MEI4: variants seen among roughly 807,000 people sequenced by gnomAD.
MEI4 encodes the protein meiosis-specific protein MEI4.
A neutral mutation model predicts 31.4 loss-of-function variants in MEI4; 27 were observed. That is an observed-to-expected ratio of 0.86 (90% CI 0.63 to 1.19). The LOEUF is 1.19. Ranked by LOEUF, MEI4 falls within the 50% of genes most tolerant of loss-of-function variation. MEI4 has a pLI of 0.00. For synonymous variants in MEI4, 122 were observed against 145.4 expected, an observed-to-expected ratio of 0.84 and a Z score of 1.16; for missense variants, 329 against 398.9, an observed-to-expected ratio of 0.82 and a Z score of 1.49.
At chr6:77,856,315 C>T (rs775177213) in intron 4 of MEI4, among the ~76,000 whole-genome samples, 4 of 152,082 alleles carry the variant, frequency 2.6e-5, no homozygotes, top group Non-Finnish European at 5.9e-5. Flanking sequence ...CTGAACCTAC[C>T]CTTCCTTCTC....
At position 77,680,115 on chromosome 6, in the gene MEI4, C is replaced by CAAAAAAAAAAA. The variant is rs1220251759; in HGVS notation, c.-14-10539_-14-10529dup. On this transcript the variant is annotated intron_variant, in intron 1 of 4. Transcript: ENST00000684080. ...TGAAACCCCGTCCCTACTAAAAATA[C>CAAAAAAAAAAA]AAAAAAAAAAAAAATTAGCTGGGCG... Among the ~76,000 whole-genome samples, 10 of 39,762 alleles carry CAAAAAAAAAAA rather than the reference C, an allele frequency of 2.5e-4. 3 individuals carry two copies. The highest frequency in any genetic ancestry group is 2.9e-3 in the East Asian group (2 of 680). 26.1% of individuals were successfully genotyped at this position (39,762 alleles called of 152,430 possible).
chr6:77,911,088 T>C (rs762929781), intron 4 of MEI4, among the ~76,000 whole-genome samples: 1 of 152,110 alleles, frequency 6.6e-6, no homozygotes, highest in Non-Finnish European at 1.5e-5. Context: ...TTGGTTCATG[T>C]CCTTTGCCCA....
At chr6:77,898,334 T>C (rs918924745) in intron 4 of MEI4, among the ~76,000 whole-genome samples, 3 of 152,044 alleles carry the variant, frequency 2.0e-5, no homozygotes, top group African/African-American at 4.8e-5. Flanking sequence ...TGAATTATCA[T>C]GGTGACAACT....
At chr6:77,743,108 T>C (rs1262636048) in intron 2 of MEI4, among the ~76,000 whole-genome samples, 4 of 152,186 alleles carry the variant, frequency 2.6e-5, no homozygotes, top group African/African-American at 9.7e-5. Flanking sequence ...ATGCGGGCTC[T>C]TTTTTGGTTC....
intron 2 of MEI4, among the ~76,000 whole-genome samples, chr6:77,696,138 T>C (rs1200973281): frequency 6.6e-6 from 1 of 152,240 alleles, no homozygotes; most frequent in African/African-American, 2.4e-5. Flanking sequence ...TTGCTGAAGT[T>C]GCTTATCAGC....
At chr6:77,895,806 T>G (rs2127733610) in intron 4 of MEI4, among the ~76,000 whole-genome samples, 1 of 152,232 alleles carries the variant, frequency 6.6e-6, no homozygotes, top group Admixed American at 6.5e-5. Context: ...GACAGACACG[T>G]AAAGTTTTAA....
At chr6:77,736,563 C>A (rs1303311821) in intron 2 of MEI4, among the ~76,000 whole-genome samples, 2 of 152,074 alleles carry the variant, frequency 1.3e-5, no homozygotes, top group Non-Finnish European at 2.9e-5. Flanking sequence ...GAACCCTGTA[C>A]CTCAGATGGA....
chr6:77,719,160 G>A (rs1766656425), intron 2 of MEI4, among the ~76,000 whole-genome samples: 1 of 142,688 alleles, frequency 7.0e-6, no homozygotes, highest in South Asian at 2.2e-4. Context: ...TGACCTTGAG[G>A]TGTCCAATCT....
chr6:77,730,006 G>A (rs1380494125), intron 2 of MEI4, among the ~76,000 whole-genome samples: 1 of 152,002 alleles, frequency 6.6e-6, no homozygotes, highest in Non-Finnish European at 1.5e-5. Context: ...TTGGAACTCT[G>A]TGGCCAAGAG....
chr6:77,730,981 T>G (rs932288727), intron 2 of MEI4, among the ~76,000 whole-genome samples: 2 of 151,810 alleles, frequency 1.3e-5, no homozygotes, highest in African/African-American at 4.9e-5. Flanking sequence ...GGCTGCATAG[T>G]ATTCCATGGT....
intron 4 of MEI4, among the ~76,000 whole-genome samples, chr6:77,899,816 A>G (rs1429747923): frequency 1.3e-5 from 2 of 152,004 alleles, no homozygotes; most frequent in Admixed American, 6.6e-5. Flanking sequence ...TCATTATTAG[A>G]TATGCATTTA....
intron 3 of MEI4, among the ~76,000 whole-genome samples, chr6:77,797,619 T>C (rs1359026298): frequency 6.6e-6 from 1 of 151,160 alleles, no homozygotes; most frequent in East Asian, 1.9e-4. Context: ...AATCCAGGAG[T>C]CCAAAGGTTG....
intron 4 of MEI4, among the ~76,000 whole-genome samples, chr6:77,852,229 C>G (rs1285262372): frequency 6.6e-6 from 1 of 152,082 alleles, no homozygotes; most frequent in Non-Finnish European, 1.5e-5. Flanking sequence ...ACGAACAAAG[C>G]AAGCAACAGC....
rs1165852331 is a variant in MEI4 at position 77,766,757 on chromosome 6, A to G, written c.768+5092A>G. On this transcript the variant is annotated intron_variant, in intron 3 of 4. Coordinates refer to ENST00000684080, the MANE Select transcript of MEI4 (RefSeq NM_001322247.2). ...TCGAAATCAGTTTTGTTTTTTTTCT[A>G]GTATGTATCCCTTAGTTGTATCTTG... Among the ~76,000 whole-genome samples the G allele has an allele frequency of 2.6e-5, 4 of 151,974 alleles. No individual in the cohort carries two copies. The East Asian group carries it at 5.8e-4, about 22-fold the overall frequency.
intron 2 of MEI4, among the ~76,000 whole-genome samples, chr6:77,698,600 C>G (rs1766121217): frequency 6.6e-6 from 1 of 152,216 alleles, no homozygotes; most frequent in African/African-American, 2.4e-5. Flanking sequence ...TTGGCCCCCA[C>G]TCTCTTCTGG....
At chr6:77,695,763 A>C (rs1320063569) in intron 2 of MEI4, among the ~76,000 whole-genome samples, 2 of 152,126 alleles carry the variant, frequency 1.3e-5, no homozygotes, top group East Asian at 3.9e-4. Context: ...TTTTGGTTCC[A>C]TATGAACTTG....
intron 1 of MEI4, among the ~76,000 whole-genome samples, chr6:77,663,398 G>C (rs1218882491): frequency 6.6e-6 from 1 of 151,932 alleles, no homozygotes. Flanking sequence ...ATACTTGTGG[G>C]TTAAGGTGGG....
chr6:77,686,518 T>C (rs1184496965), intron 1 of MEI4, among the ~76,000 whole-genome samples: 1 of 152,162 alleles, frequency 6.6e-6, no homozygotes, highest in Non-Finnish European at 1.5e-5. Flanking sequence ...TACTGTTTTA[T>C]GTTTTACTGT....
At position 77,792,752 on chromosome 6, in the gene MEI4, G is replaced by A. The variant is rs761087388; in HGVS notation, c.768+31087G>A. On this transcript the variant is annotated intron_variant, in intron 3 of 4. Transcript: ENST00000684080. ...TTTTTAGACGGAGTCTCGCTCTATT[G>A]CACAGGCTGGAGTGCAGTGGCGTGA... Among the ~76,000 whole-genome samples the A allele has an allele frequency of 2.5e-4, 38 of 150,212 alleles. 1 individual carries two copies. Among genetic ancestry groups the A allele is most frequent in the Non-Finnish European group, 4.4e-5 (3 of 67,742 alleles).
Sources: gnomAD v4.1 joint callset for allele counts (sites outside exome capture counted in the v4.1 genomes callset) on GRCh38, gnomAD v4.1.1 for gene constraint, MANE v1.5 for transcripts, NCBI Gene and HGNC (gene_info 2026-07-23, HGNC 2026-07-21) for gene names.